The following C4orf50 variants were observed in gnomAD, a reference collection of about 807,000 sequenced individuals.
C4orf50 encodes the protein chromosome 4 open reading frame 50, also known as uncharacterized protein C4orf50.
Under a neutral mutation model 77.2 loss-of-function variants are expected in C4orf50, and 80 were observed. The observed-to-expected ratio is 1.04, with a 90% CI of 0.87 to 1.25. C4orf50 has a LOEUF of 1.25. Among genes scored for constraint, C4orf50 ranks in the 50% most tolerant of loss-of-function variants. The pLI is 0.00. For missense variants in C4orf50, 1,257 were observed against 1,152.9 expected (o/e 1.09, Z -1.31); for synonymous variants, 532 against 465.3 (o/e 1.14, Z -1.84).
chr4:5,899,131 C>T (rs1431724152), intron 7 of C4orf50: 4 of 152,186 alleles, frequency 2.6e-5, no homozygotes, highest in Non-Finnish European at 5.9e-5. Context: ...CATTAACAAA[C>T]CCCAGGGATC....
At chr4:5,961,175 TGTG>T (rs1360870995) in intron 33 of C4orf50, among the ~76,000 whole-genome samples, 1 of 152,158 alleles carries the variant, frequency 6.6e-6, no homozygotes, top group Non-Finnish European at 1.5e-5. Flanking sequence ...ATTAGCTAGG[TGTG>T]GTGGTGCACA....
chr4:5,949,394 G>T (rs6855276), intron 7 of C4orf50, among the ~76,000 whole-genome samples: 8,800 of 152,252 alleles, frequency 0.058, 763 homozygotes, highest in African/African-American at 0.19. Context: ...GCTCCAACAC[G>T]GATGAACCTC....
chr4:5,948,170 C>G (rs1319170416), intron 7 of C4orf50, among the ~76,000 whole-genome samples: 1 of 152,222 alleles, frequency 6.6e-6, no homozygotes, highest in Non-Finnish European at 1.5e-5. Context: ...ACTGAGAGAG[C>G]AAGGCTCATA....
chr4:5,935,784 TAAAAAAAAAA>T (rs769910855), intron 7 of C4orf50, among the ~76,000 whole-genome samples: 4,336 of 31,532 alleles, frequency 0.14, 329 homozygotes, highest in African/African-American at 0.32. Context: ...AGACTCCGTC[TAAAAAAAAAA>T]AAAAAAAAAA....
intron 29 of C4orf50, 39 bp from the exon 8 acceptor site, chr4:5,975,994 C>A: frequency 6.5e-7 from 1 of 1,546,598 alleles, no homozygotes; most frequent in South Asian, 1.1e-5. Context: ...ACTGCACTGT[C>A]ACTTACCACT....
chr4:5,978,688 T>A (rs1246666668), intron 29 of C4orf50, among the ~76,000 whole-genome samples: 2 of 152,202 alleles, frequency 1.3e-5, no homozygotes, highest in East Asian at 3.9e-4. Flanking sequence ...CAATTTGTGA[T>A]ATATAGCTAA....
chr4:5,924,034 G>C (rs1426779823), intron 7 of C4orf50, among the ~76,000 whole-genome samples: 1 of 151,878 alleles, frequency 6.6e-6, no homozygotes, highest in Non-Finnish European at 1.5e-5. Context: ...TCAGCTTTTG[G>C]ACTCTGGGAC....
rs1241454068 is a variant in C4orf50 at position 6,008,340 on chromosome 4, G to A, written c.619C>T (p.Arg207Cys). The A allele has an allele frequency of 5.1e-6, 2 of 389,812 alleles. No individual in the cohort carries two copies. Among genetic ancestry groups the A allele is most frequent in the East Asian group, 3.7e-5 (1 of 27,174 alleles). 24.1% of individuals were successfully genotyped at this position (389,812 alleles called of 1,614,324 possible). A position where few individuals can be genotyped will look rare whatever the true frequency, so the allele number is the denominator to read the frequency against. ...GCGCGGCAGAGGCGCCGCACGTTGC[G>A]CTCCAGCCGCTGCACCTGCTCCCGC... Residue 207 changes from arginine to cysteine, a missense_variant, in exon 25 of 34, where the codon CGC (arginine) becomes TGC (cysteine). By Grantham distance (180) the Arg-to-Cys change is radical. Transcript: ENST00000531445. The surrounding 1 kb of genome is among the most constrained non-coding windows in gnomAD (Gnocchi z 6.0).
chr4:5,917,393 A>G (rs1717072472), intron 7 of C4orf50, among the ~76,000 whole-genome samples: 1 of 150,454 alleles, frequency 6.6e-6, no homozygotes, highest in African/African-American at 2.4e-5. Flanking sequence ...CGTAGGTTTC[A>G]ATTCCTGTAT....
chr4:5,913,202 C>T (rs1255672804), intron 7 of C4orf50, among the ~76,000 whole-genome samples: 2 of 152,206 alleles, frequency 1.3e-5, no homozygotes, highest in South Asian at 2.1e-4. Flanking sequence ...AGGATGACAA[C>T]GCCTACCTTA....
At chr4:5,931,454 A>G (rs1717764772) in intron 7 of C4orf50, among the ~76,000 whole-genome samples, 1 of 152,226 alleles carries the variant, frequency 6.6e-6, no homozygotes, top group African/African-American at 2.4e-5. Context: ...GTGATTTACC[A>G]GGATTCTCAT....
At position 5,988,247 on chromosome 4, in the gene C4orf50, A is replaced by G. The variant is rs112772088; in HGVS notation, c.3699+100T>C. 2,966 of 1,442,682 alleles carry G rather than the reference A, an allele frequency of 2.1e-3. 36 individuals are homozygous for G. In the African/African-American group the frequency reaches 0.034, roughly 16 times the overall value. The allele number at this position is 1,442,682 out of a possible 1,614,324, so 89.4% of individuals were successfully genotyped here. On this transcript the variant is annotated intron_variant, in intron 28 of 33. Transcript: ENST00000531445. Reference sequence around the variant, plus strand: ...TCTGGTAAGTGGGGAGGATGATTGTACCTCCCTCACAGGACTCTGGTGAAT... The same window carrying G: ...TCTGGTAAGTGGGGAGGATGATTGTGCCTCCCTCACAGGACTCTGGTGAAT...
At chr4:5,925,848 A>G (rs1348503575) in intron 7 of C4orf50, among the ~76,000 whole-genome samples, 1 of 152,152 alleles carries the variant, frequency 6.6e-6, no homozygotes, top group South Asian at 2.1e-4. Context: ...TCACCAGGTG[A>G]TGGAAGTTGG....
chr4:5,988,236 AG>A (rs1720986809), intron 28 of C4orf50, 110 bp downstream of exon 6: 3 of 1,368,874 alleles, frequency 2.2e-6, no homozygotes, highest in Non-Finnish European at 3.0e-6. Context: ...GTAAGTGGGG[AG>A]GATGATTGTA....
In C4orf50 at chr4:5,912,040, C is replaced by T. The variant is rs1222517528; in HGVS notation, c.*2475-13852G>A. On this transcript the variant is annotated intron_variant, in intron 7 of 7. Transcript: ENST00000324058. Reference sequence around the variant, plus strand: ...CAGCTTGGGTGACAGAGCGAGACTCCGTCTTGCAAAACAAAAAAACAAAAA... The same window carrying T: ...CAGCTTGGGTGACAGAGCGAGACTCTGTCTTGCAAAACAAAAAAACAAAAA... Among the ~76,000 whole-genome samples, 6 of 151,110 alleles carry T rather than the reference C, an allele frequency of 4.0e-5. No homozygotes were observed. In the South Asian group the frequency reaches 1.1e-3, roughly 27 times the overall value.
rs1347055056 is a variant in C4orf50, at chr4:5,932,884, GAT to G, written c.*2474+24015_*2474+24016del. ...ACAAATTGTTACAGGGTTTAAATGAGATAGTGCATTTATAATGGTGGTGCAGC... is the reference window on the plus strand; with the variant it reads ...ACAAATTGTTACAGGGTTTAAATGAGAGTGCATTTATAATGGTGGTGCAGC... On this transcript the variant is annotated intron_variant, in intron 7 of 7. Coordinates refer to the C4orf50 transcript ENST00000324058. The surrounding 1 kb of genome is among the most constrained non-coding windows in gnomAD (Gnocchi z 4.2). Among the ~76,000 whole-genome samples the G allele has an allele frequency of 6.6e-6, 1 of 152,216 alleles. No individual in the cohort carries two copies. The highest frequency in any genetic ancestry group is 1.5e-5 in the Non-Finnish European group (1 of 68,038).
intron 7 of C4orf50, among the ~76,000 whole-genome samples, chr4:5,944,840 G>A (rs1398088135): frequency 2.0e-5 from 3 of 152,130 alleles, no homozygotes; most frequent in African/African-American, 7.2e-5. Flanking sequence ...AGACTTCCCC[G>A]GGAAAGGGAG....
At chr4:5,983,003 C>G (rs62282754) in intron 28 of C4orf50, among the ~76,000 whole-genome samples, 47,916 of 151,878 alleles carry the variant, frequency 0.32, 8,006 homozygotes, top group Non-Finnish European at 0.37. Flanking sequence ...ATCTCATGCC[C>G]AGTGCAGTAG....
At chr4:5,986,452 T>TTTG (rs995653074) in intron 28 of C4orf50, among the ~76,000 whole-genome samples, 14 of 152,324 alleles carry the variant, frequency 9.2e-5, no homozygotes, top group South Asian at 4.1e-4. Flanking sequence ...TTTTAGGTTT[T>TTTG]TTGTTGTTGT....
Sources: gnomAD v4.1 joint callset for allele counts (sites outside exome capture counted in the v4.1 genomes callset) on GRCh38, gnomAD v4.1.1 for gene constraint, Gnocchi (gnomAD v3.1) non-coding constraint, MANE v1.5 for transcripts, NCBI Gene and HGNC (gene_info 2026-07-23, HGNC 2026-07-21) for gene names.